Variants in ITFG1 observed in about 807,000 individuals in gnomAD.
ITFG1 encodes integrin alpha FG-GAP repeat containing 1.
Under a neutral mutation model 81.8 loss-of-function variants are expected in ITFG1, and 34 were observed. The ratio of observed to expected loss-of-function variants is 0.42; its 90% CI spans 0.32 to 0.55. The LOEUF is 0.55. ITFG1 is among the 20% of genes least tolerant of loss of function. The pLI is 0.17. For missense variants in ITFG1, 672 were observed against 755.4 expected (o/e 0.89, Z 1.29); for synonymous variants, 285 against 270.6 (o/e 1.05, Z -0.52).
intron 13 of ITFG1, among the ~76,000 whole-genome samples, chr16:47,220,312 C>G (rs1596815763): frequency 6.6e-6 from 1 of 152,212 alleles, no homozygotes; most frequent in Non-Finnish European, 1.5e-5. Context: ...ACTAAGACAT[C>G]TCGCGTTTTA....
chr16:47,266,728 G>T (rs1966280432), intron 10 of ITFG1, among the ~76,000 whole-genome samples: 1 of 152,160 alleles, frequency 6.6e-6, no homozygotes, highest in Admixed American at 6.5e-5. Context: ...TGAAAACATG[G>T]CTACACAGAA....
chr16:47,296,068 TTTTTATTTTATTTTA>T (rs59077423), intron 10 of ITFG1, among the ~76,000 whole-genome samples: 21 of 148,504 alleles, frequency 1.4e-4, no homozygotes, highest in South Asian at 4.3e-4. Context: ...CCCGGCTAAG[TTTTTATTTTATTTTA>T]TTTTATTTTA....
chr16:47,368,617 T>C (rs1007371887), intron 7 of ITFG1, among the ~76,000 whole-genome samples: 5 of 133,252 alleles, frequency 3.8e-5, no homozygotes, highest in Admixed American at 2.3e-4. Flanking sequence ...GTAGAGTGGA[T>C]AGAATGTTTC....
intron 8 of ITFG1, among the ~76,000 whole-genome samples, chr16:47,332,956 AT>A (rs1400870127): frequency 2.0e-5 from 3 of 152,240 alleles, no homozygotes; most frequent in Admixed American, 2.0e-4. Flanking sequence ...TTACTATCAT[AT>A]TTATAAACAT....
chr16:47,407,329 G>C (rs776872043), intron 6 of ITFG1, among the ~76,000 whole-genome samples: 7 of 152,240 alleles, frequency 4.6e-5, no homozygotes, highest in Non-Finnish European at 1.0e-4. Context: ...GGGTGTGACA[G>C]AAAGAGGCAG....
intron 14 of ITFG1, among the ~76,000 whole-genome samples, chr16:47,183,815 G>A (rs1188233258): frequency 6.6e-6 from 1 of 152,172 alleles, no homozygotes; most frequent in Non-Finnish European, 1.5e-5. Context: ...GAGAGAAGAA[G>A]GCTTCAGACG....
chr16:47,381,809 CT>C (rs2151592513), intron 6 of ITFG1, among the ~76,000 whole-genome samples: 1 of 152,346 alleles, frequency 6.6e-6, no homozygotes, highest in South Asian at 2.1e-4. Flanking sequence ...AGCTCTCACT[CT>C]TTGCAGCAGC....
intron 8 of ITFG1, among the ~76,000 whole-genome samples, chr16:47,327,798 T>C (rs549080533): frequency 2.3e-4 from 35 of 152,240 alleles, no homozygotes; most frequent in Non-Finnish European, 4.1e-4. Context: ...CCAGTTAGAA[T>C]GGCAATCATT....
intron 7 of ITFG1, among the ~76,000 whole-genome samples, chr16:47,371,462 G>T (rs1968252896): frequency 2.6e-5 from 4 of 152,144 alleles, no homozygotes; most frequent in Admixed American, 1.3e-4. Flanking sequence ...CCTGTTGACA[G>T]GAAGACTTTC....
intron 11 of ITFG1, among the ~76,000 whole-genome samples, chr16:47,259,383 T>A (rs1966178583): frequency 6.6e-6 from 1 of 152,226 alleles, no homozygotes; most frequent in African/African-American, 2.4e-5. Context: ...ATTTTAAATT[T>A]CATTCATATT....
chr16:47,155,884 C>A lies in ITFG1; in HGVS notation c.1780-106G>T. 1 of 725,370 alleles carries A rather than the reference C, an allele frequency of 1.4e-6. No individual in the cohort carries two copies. The highest frequency in any genetic ancestry group is 2.3e-6 in the Non-Finnish European group (1 of 436,418). 44.9% of individuals were successfully genotyped at this position (725,370 alleles called of 1,614,324 possible). A position where few individuals can be genotyped will look rare whatever the true frequency, so the allele number is the denominator to read the frequency against. On this transcript the variant is annotated intron_variant, in intron 17 of 17. Coordinates refer to ENST00000320640, the MANE Select transcript of ITFG1 (RefSeq NM_030790.5). ...ATTTTTAAAAGTCTCCAGCAATTAG[C>A]AGATAATAGATATGATTTCCTAATT... is the stretch of plus-strand genomic sequence containing the variant.
intron 8 of ITFG1, among the ~76,000 whole-genome samples, chr16:47,328,725 G>A (rs376480849): frequency 6.6e-6 from 1 of 151,980 alleles, no homozygotes; most frequent in Non-Finnish European, 1.5e-5. Context: ...AATAAATTCC[G>A]TTGGGGAATC....
intron 8 of ITFG1, among the ~76,000 whole-genome samples, chr16:47,328,290 G>A (rs1355858304): frequency 2.6e-5 from 4 of 152,080 alleles, no homozygotes; most frequent in Non-Finnish European, 5.9e-5. Context: ...ATGGACACAG[G>A]AAGGGGAACA....
chr16:47,400,495 G>A (rs1968647406), intron 6 of ITFG1, among the ~76,000 whole-genome samples: 1 of 150,332 alleles, frequency 6.7e-6, no homozygotes, highest in Middle Eastern at 3.2e-3. Context: ...CACACCACTA[G>A]ACACCAGCAT....
At chr16:47,260,728 T>C (rs371360483) in intron 10 of ITFG1, 33 bp from the exon 11 acceptor site, 26 of 1,610,942 alleles carry the variant, frequency 1.6e-5, no homozygotes, top group Middle Eastern at 3.3e-4. Flanking sequence ...TTCGTTAATA[T>C]AAACATCAAC....
At chr16:47,352,746 GAC>G in intron 8 of ITFG1, among the ~76,000 whole-genome samples, 1 of 152,274 alleles carries the variant, frequency 6.6e-6, no homozygotes, top group South Asian at 2.1e-4. Context: ...CTGCTATAAA[GAC>G]ACATGCACAC....
chr16:47,240,533 A>G (rs2151534929), intron 12 of ITFG1, among the ~76,000 whole-genome samples: 1 of 152,352 alleles, frequency 6.6e-6, no homozygotes, highest in East Asian at 1.9e-4. Flanking sequence ...CACTGAGCTC[A>G]TGAAAAGATG....
rs770012253 is a variant in ITFG1, at chr16:47,155,671, C to T, written c.*48G>A. The T allele has an allele frequency of 7.9e-7, 1 of 1,269,252 alleles. No individual in the cohort carries two copies. The highest frequency in any genetic ancestry group is 1.3e-5 in the South Asian group (1 of 74,600). 78.6% of individuals were successfully genotyped at this position (1,269,252 alleles called of 1,614,324 possible). A position where few individuals can be genotyped will look rare whatever the true frequency, so the allele number is the denominator to read the frequency against. ...TTTTTTCAAGCCAGAATTTGTGTTT[C>T]AACTAATCAAGTGAACAGCCATTCC... is the stretch of plus-strand genomic sequence containing the variant. On this transcript the variant is annotated 3_prime_UTR_variant, in exon 18 of 18. Transcript: ENST00000320640.
intron 6 of ITFG1, among the ~76,000 whole-genome samples, chr16:47,396,723 T>C (rs565501257): frequency 6.6e-6 from 1 of 152,182 alleles, no homozygotes. Context: ...GCAGGATCAG[T>C]GGACTGCAGG....
Sources: gnomAD v4.1 joint callset for allele counts (sites outside exome capture counted in the v4.1 genomes callset) on GRCh38, gnomAD v4.1.1 for gene constraint, MANE v1.5 for transcripts, NCBI Gene and HGNC (gene_info 2026-07-23, HGNC 2026-07-21) for gene names.